Variants in CDH13 observed in about 807,000 individuals in gnomAD.
The protein encoded by CDH13 is cadherin-13.
A neutral mutation model predicts 63.8 loss-of-function variants in CDH13; 24 were observed. The observed-to-expected ratio is 0.38, with a 90% confidence interval of 0.27 to 0.53. CDH13 has a LOEUF of 0.53. Among genes scored for constraint, CDH13 ranks in the 20% least tolerant of loss-of-function variants. The pLI is 0.85. For synonymous variants in CDH13, 503 were observed against 355.3 expected (o/e 1.42, Z -4.67); for missense variants, 1,049 against 903.1 (o/e 1.16, Z -2.07).
chr16:83,287,802 A>G (rs2089358363), intron 5 of CDH13, among the ~76,000 whole-genome samples: 2 of 152,180 alleles, frequency 1.3e-5, no homozygotes, highest in Non-Finnish European at 2.9e-5. Context: ...CTTCCATGGA[A>G]CCAGTCCCTG....
At chr16:83,179,093 T>A (rs551257040) in intron 4 of CDH13, among the ~76,000 whole-genome samples, 1 of 152,170 alleles carries the variant, frequency 6.6e-6, no homozygotes, top group African/African-American at 2.4e-5. Context: ...GAGTCTCACA[T>A]CAGAGCAAAT....
chr16:83,191,137 ATTG>A (rs1226195906), intron 4 of CDH13, among the ~76,000 whole-genome samples: 3 of 149,432 alleles, frequency 2.0e-5, no homozygotes, highest in South Asian at 2.2e-4. Flanking sequence ...TGTTGTTGTT[ATTG>A]TTGTTGTTTT....
intron 5 of CDH13, among the ~76,000 whole-genome samples, chr16:83,312,102 G>T (rs1338461960): frequency 6.7e-6 from 1 of 149,324 alleles, no homozygotes; most frequent in Non-Finnish European, 1.5e-5. Flanking sequence ...TTGGGAGACA[G>T]TGTGCCTCCA....
chr16:83,194,063 G>T (rs2038803702), intron 4 of CDH13, among the ~76,000 whole-genome samples: 1 of 152,198 alleles, frequency 6.6e-6, no homozygotes, highest in Admixed American at 6.5e-5. Context: ...AGTGTTTATA[G>T]TTTCAGTGAT....
chr16:83,672,778 G>A (rs1163036207), intron 9 of CDH13, among the ~76,000 whole-genome samples: 3 of 152,074 alleles, frequency 2.0e-5, no homozygotes, highest in Non-Finnish European at 2.9e-5. Context: ...ACACATTTTG[G>A]GGAGGCCTGA....
chr16:83,103,276 G>A lies in CDH13; in HGVS notation c.367-22109G>A, dbSNP rs571547999. ...TTTTTTTTTTTTTTGAGACAGTCTGGCTCTGTTGCCCGGGATGAAGTGCTG... is the reference window on the plus strand; with the variant it reads ...TTTTTTTTTTTTTTGAGACAGTCTGACTCTGTTGCCCGGGATGAAGTGCTG... On this transcript the variant is annotated intron_variant, in intron 3 of 13. Transcript: ENST00000567109. Among the ~76,000 whole-genome samples the A allele has an allele frequency of 1.2e-4, 15 of 122,568 alleles. No homozygotes were observed. The South Asian group carries it at 4.0e-3, about 32-fold the overall frequency. The allele number at this position is 122,568 out of a possible 152,430, so 80.4% of individuals were successfully genotyped here.
Position 83,742,556 on chromosome 16 carries a change from C to T in CDH13, c.1539-5552C>T, listed in dbSNP as rs115814258. ...AACATCTTGCACGCTAGTATTTTTACACTGAAAGGTTTATTAAAAAGACAG... is the reference window on the plus strand; with the variant it reads ...AACATCTTGCACGCTAGTATTTTTATACTGAAAGGTTTATTAAAAAGACAG... On this transcript the variant is annotated intron_variant, in intron 10 of 13. Coordinates refer to ENST00000567109, the MANE Select transcript of CDH13 (RefSeq NM_001257.5). 7.3e-3 allele frequency among the ~76,000 whole-genome samples: 1,115 copies of T among 152,248 alleles called. 19 individuals carry two copies. Among genetic ancestry groups the T allele is most frequent in the African/African-American group, 0.025 (1,040 of 41,540 alleles).
At chr16:83,405,407 C>A (rs934736433) in intron 6 of CDH13, among the ~76,000 whole-genome samples, 1 of 152,154 alleles carries the variant, frequency 6.6e-6, no homozygotes, top group East Asian at 1.9e-4. Flanking sequence ...CCACAAGGGT[C>A]CTTATAAGAG....
Position 82,873,484 on chromosome 16 carries a change from G to T in CDH13, c.157+15011G>T, listed in dbSNP as rs890108208. Among the ~76,000 whole-genome samples the T allele has an allele frequency of 1.2e-4, 18 of 152,234 alleles. No homozygotes were observed. The East Asian group carries it at 3.5e-3, about 30-fold the overall frequency. On this transcript the variant is annotated intron_variant, in intron 2 of 13. Coordinates refer to ENST00000567109, the MANE Select transcript of CDH13 (RefSeq NM_001257.5). ...TCATTGCCTCTGAGAACAGACTGGG[G>T]TGTCCTTGATAGTTTCACAGGACAG...
intron 1 of CDH13, among the ~76,000 whole-genome samples, chr16:82,828,448 A>G (rs981824482): frequency 1.3e-5 from 2 of 152,078 alleles, no homozygotes; most frequent in Non-Finnish European, 2.9e-5. Flanking sequence ...TGAAACCCCA[A>G]TTCACTAAAA....
At chr16:82,636,182 G>A (rs1490849061) in intron 1 of CDH13, among the ~76,000 whole-genome samples, 1 of 152,162 alleles carries the variant, frequency 6.6e-6, no homozygotes, top group Non-Finnish European at 1.5e-5. Context: ...GCCAGAGAGA[G>A]GTGAAGGAGG....
intron 6 of CDH13, among the ~76,000 whole-genome samples, chr16:83,376,390 G>A (rs2091459837): frequency 6.6e-6 from 1 of 152,166 alleles, no homozygotes; most frequent in Non-Finnish European, 1.5e-5. Context: ...AAGAGTGAAA[G>A]AATGGTGGTC....
intron 6 of CDH13, among the ~76,000 whole-genome samples, chr16:83,377,677 C>G (rs535384861): frequency 6.6e-6 from 1 of 152,172 alleles, no homozygotes; most frequent in Non-Finnish European, 1.5e-5. Flanking sequence ...CAGTGAGCTT[C>G]CATTTCTTCT....
intron 2 of CDH13, among the ~76,000 whole-genome samples, chr16:82,919,157 T>C (rs2042080941): frequency 6.6e-6 from 1 of 152,202 alleles, no homozygotes. Context: ...GTTTTTTAAA[T>C]GTTATATTTC....
intron 1 of CDH13, among the ~76,000 whole-genome samples, chr16:82,835,613 G>A (rs528691489): frequency 6.6e-6 from 1 of 152,306 alleles, no homozygotes; most frequent in African/African-American, 2.4e-5. Context: ...GGCAGTAGGT[G>A]CATACAGTCC....
intron 4 of CDH13, among the ~76,000 whole-genome samples, chr16:83,169,368 G>A (rs2037825028): frequency 6.6e-6 from 1 of 151,914 alleles, no homozygotes; most frequent in African/African-American, 2.4e-5. Context: ...GTAGAGACAG[G>A]ATTTCACCAT....
intron 7 of CDH13, among the ~76,000 whole-genome samples, chr16:83,526,557 G>C (rs1364002971): frequency 6.6e-6 from 1 of 152,214 alleles, no homozygotes; most frequent in Non-Finnish European, 1.5e-5. Context: ...ACCGAGCTCA[G>C]ATGGTAATGC....
intron 10 of CDH13, among the ~76,000 whole-genome samples, chr16:83,695,419 T>G (rs1236787277): frequency 6.6e-6 from 1 of 152,154 alleles, no homozygotes; most frequent in East Asian, 1.9e-4. Context: ...GATCCCTGGA[T>G]CAAGAGTAGA....
chr16:82,716,539 C>T (rs373007286), intron 1 of CDH13, among the ~76,000 whole-genome samples: 5 of 149,842 alleles, frequency 3.3e-5, no homozygotes, highest in East Asian at 2.0e-4. Flanking sequence ...GTGGAGGAAT[C>T]GGGGTTATTT....
Sources: allele counts gnomAD v4.1 joint callset (sites outside exome capture counted in the v4.1 genomes callset), GRCh38; gene constraint gnomAD v4.1.1; transcripts MANE v1.5; gene names NCBI Gene and HGNC (gene_info 2026-07-23, HGNC 2026-07-21).